The following JADE2 variants were observed in gnomAD, a reference collection of about 807,000 sequenced individuals.
The protein encoded by JADE2 is E3 ubiquitin-protein ligase Jade-2.
A neutral mutation model predicts 85.7 loss-of-function variants in JADE2; 13 were observed. The observed-to-expected ratio is 0.15, with a 90% CI of 0.10 to 0.24. JADE2 has a LOEUF of 0.24. Among genes scored for constraint, JADE2 ranks in the 10% least tolerant of loss-of-function variants. JADE2 has a pLI of 1.00. For missense variants in JADE2, 846 were observed against 1,115.9 expected (o/e 0.76, Z 3.45); for synonymous variants, 440 against 456.1 (o/e 0.96, Z 0.45).
At chr5:134,548,179 C>T (rs1036411680) in intron 3 of JADE2, among the ~76,000 whole-genome samples, 5 of 152,174 alleles carry the variant, frequency 3.3e-5, no homozygotes, top group East Asian at 3.8e-4. Flanking sequence ...CTGGAGGCCT[C>T]GGAACTTGCA....
chr5:134,547,277 C>G (rs2149916909), intron 3 of JADE2, among the ~76,000 whole-genome samples: 1 of 152,348 alleles, frequency 6.6e-6, no homozygotes, highest in Non-Finnish European at 1.5e-5. Context: ...CCCTAGCACT[C>G]AGATTGGTGA....
intron 4 of JADE2, among the ~76,000 whole-genome samples, chr5:134,559,566 G>A (rs762423140): frequency 1.7e-4 from 26 of 152,212 alleles, no homozygotes; most frequent in Non-Finnish European, 3.2e-4. Flanking sequence ...CTGCGGATCA[G>A]CCCTGACTCC....
rs1763648595 is a variant in JADE2 at position 134,566,457 on chromosome 5, C to T, written c.1311C>T (p.Ala437=). 6.2e-7 allele frequency: 1 copy of T among 1,613,644 alleles called. No homozygotes were observed. Among genetic ancestry groups the T allele is most frequent in the Non-Finnish European group, 8.5e-7 (1 of 1,179,848 alleles). Residue 437 remains alanine (A), a synonymous_variant, in exon 9 of 12, where the codon GCC becomes GCT. Coordinates refer to ENST00000681547, the MANE Select transcript of JADE2 (RefSeq NM_001388185.1). The surrounding 1 kb of genome is among the most constrained non-coding windows in gnomAD (Gnocchi z 6.7). ...IYQYWKLKRK[A]NANQPLLTPK... The stretch of plus-strand genomic sequence containing the variant: ...AGTACTGGAAGCTGAAGAGGAAAGC[C>T]AATGCCAACCAGCCGCTGCTGACCC...
intron 3 of JADE2, chr5:134,544,290 C>T (rs1440834609): frequency 6.5e-6 from 1 of 153,126 alleles, no homozygotes; most frequent in Non-Finnish European, 1.5e-5. Flanking sequence ...CAGGCCCTGT[C>T]CCTGGGGAGC....
chr5:134,569,380 G>A (rs756066169), intron 9 of JADE2, among the ~76,000 whole-genome samples: 5 of 152,180 alleles, frequency 3.3e-5, no homozygotes, highest in Admixed American at 6.5e-5. Context: ...GGCTGCTGCC[G>A]GCATGAAATC....
Position 134,576,753 on chromosome 5 carries a change from CTT to C in JADE2, c.1553-13_1553-12del. ...GGTAACCATCTCCCTCCTCCTCTCA[CTT>C]TCCCTGACACAGAGCGGTCTGGGAG... On this transcript the variant is annotated splice_polypyrimidine_tract_variant and intron_variant, in intron 10 of 11. Coordinates refer to ENST00000681547, the MANE Select transcript of JADE2 (RefSeq NM_001388185.1). 1.3e-6 allele frequency: 2 copies of C among 1,550,552 alleles called. No individual in the cohort carries two copies. Among genetic ancestry groups the C allele is most frequent in the Non-Finnish European group, 1.7e-6 (2 of 1,146,962 alleles).
intron 6 of JADE2, among the ~76,000 whole-genome samples, chr5:134,561,271 C>G (rs1763303932): frequency 6.6e-6 from 1 of 152,224 alleles, no homozygotes; most frequent in Non-Finnish European, 1.5e-5. Flanking sequence ...AAAGGCAGCC[C>G]ACTGCTGTGA....
At chr5:134,530,530 C>T (rs1419528060) in intron 1 of JADE2, among the ~76,000 whole-genome samples, 1 of 152,166 alleles carries the variant, frequency 6.6e-6, no homozygotes, top group African/African-American at 2.4e-5. Flanking sequence ...CCTGAAAGGC[C>T]CACTGTTCCC....
rs567331929 is a variant in JADE2 at position 134,580,636 on chromosome 5, A to G, written c.*1319A>G. 2.0e-5 allele frequency: 3 copies of G among 152,332 alleles called. No individual in the cohort carries two copies. The highest frequency in any genetic ancestry group is 2.9e-5 in the Non-Finnish European group (2 of 68,018). 9.4% of individuals were successfully genotyped at this position (152,332 alleles called of 1,614,324 possible). ...CCACTGGTAAAGCCAGAACTTCTCC[A>G]AAAAGAACCTTGCAAAAAGTCCAGT... On this transcript the variant is annotated 3_prime_UTR_variant, in exon 12 of 12. Coordinates refer to ENST00000681547, the MANE Select transcript of JADE2 (RefSeq NM_001388185.1).
Position 134,566,694 on chromosome 5 carries a change from C to G in JADE2, c.1434+114C>G. The G allele has an allele frequency of 2.5e-6, 2 of 816,102 alleles. No individual in the cohort carries two copies. The highest frequency in any genetic ancestry group is 3.8e-6 in the Non-Finnish European group (2 of 531,950). 50.6% of individuals were successfully genotyped at this position (816,102 alleles called of 1,614,324 possible). A position where few individuals can be genotyped will look rare whatever the true frequency, so the allele number is the denominator to read the frequency against. Reference sequence around the variant, plus strand: ...CTCACCAGGACTCAAACTGTGAGCTCTGGTGGACCGGCCCTGCTGCAGGAG... The same window carrying G: ...CTCACCAGGACTCAAACTGTGAGCTGTGGTGGACCGGCCCTGCTGCAGGAG... On this transcript the variant is annotated intron_variant, in intron 9 of 11. Coordinates refer to ENST00000681547, the MANE Select transcript of JADE2 (RefSeq NM_001388185.1). This position sits in a 1 kb window ranked among gnomAD's most constrained non-coding sequence, Gnocchi z 6.7.
chr5:134,570,400 G>T (rs886394893), intron 9 of JADE2, among the ~76,000 whole-genome samples: 7 of 152,096 alleles, frequency 4.6e-5, no homozygotes, highest in African/African-American at 1.7e-4. Flanking sequence ...CCCCTCTGCG[G>T]GTCCTTTTCC....
chr5:134,533,629 C>A (rs1429978916), intron 1 of JADE2: 45 of 965,992 alleles, frequency 4.7e-5, no homozygotes, highest in Non-Finnish European at 5.4e-5. Context: ...ACTCCACCCA[C>A]CGATGTCAGG....
At chr5:134,531,634 G>A (rs1761242400) in intron 1 of JADE2, among the ~76,000 whole-genome samples, 1 of 151,752 alleles carries the variant, frequency 6.6e-6, no homozygotes, top group Admixed American at 6.6e-5. Context: ...CCAGGCTGGA[G>A]GGCAATGGCA....
chr5:134,529,877 C>G (rs1308071462), intron 1 of JADE2, among the ~76,000 whole-genome samples: 1 of 152,228 alleles, frequency 6.6e-6, no homozygotes, highest in African/African-American at 2.4e-5. Context: ...CCACCATCCC[C>G]TTGGTACGTC....
intron 1 of JADE2, among the ~76,000 whole-genome samples, chr5:134,527,372 A>G (rs554453697): frequency 9.9e-5 from 15 of 152,158 alleles, no homozygotes; most frequent in African/African-American, 3.6e-4. Flanking sequence ...AGAGGGGTCA[A>G]CTTGGCGATT....
chr5:134,533,681 C>CA (rs1761394773), intron 1 of JADE2: 2 of 477,092 alleles, frequency 4.2e-6, no homozygotes, highest in Non-Finnish European at 5.4e-6. Flanking sequence ...CTGAGGAAGA[C>CA]GTAGGCTAGA....
intron 8 of JADE2, among the ~76,000 whole-genome samples, chr5:134,564,881 G>C (rs1763543445): frequency 6.6e-6 from 1 of 152,204 alleles, no homozygotes; most frequent in Admixed American, 6.5e-5. Flanking sequence ...CTGAAAGCAA[G>C]TGTCTTGGGG....
chr5:134,566,671 C>A lies in JADE2; in HGVS notation c.1434+91C>A. 1 of 975,314 alleles carries A rather than the reference C, an allele frequency of 1.0e-6. No individual in the cohort carries two copies. The highest frequency in any genetic ancestry group is 1.5e-6 in the Non-Finnish European group (1 of 673,408). The allele number at this position is 975,314 out of a possible 1,614,324, so 60.4% of individuals were successfully genotyped here. On this transcript the variant is annotated intron_variant, in intron 9 of 11. Transcript: ENST00000681547. The surrounding 1 kb of genome is among the most constrained non-coding windows in gnomAD (Gnocchi z 6.7). ...TCACTGCCCTGGAGCAGCTAGGACTCACCAGGACTCAAACTGTGAGCTCTG... is the reference window on the plus strand; with the variant it reads ...TCACTGCCCTGGAGCAGCTAGGACTAACCAGGACTCAAACTGTGAGCTCTG...
chr5:134,559,318 T>C (rs899783128), intron 4 of JADE2, among the ~76,000 whole-genome samples: 1 of 152,134 alleles, frequency 6.6e-6, no homozygotes, highest in Non-Finnish European at 1.5e-5. Context: ...TGAGAGTACG[T>C]AGACAACCCC....
Sources: allele counts gnomAD v4.1 joint callset (sites outside exome capture counted in the v4.1 genomes callset), GRCh38; gene constraint gnomAD v4.1.1; non-coding constraint Gnocchi (gnomAD v3.1); transcripts MANE v1.5; gene names NCBI Gene and HGNC (gene_info 2026-07-23, HGNC 2026-07-21).